The following CFH variants were observed in gnomAD, a reference collection of about 807,000 sequenced individuals.
CFH encodes complement factor H, also known as H factor 1 (complement).
In CFH, 53 loss-of-function variants were observed where a neutral mutation model predicts 147.3. The observed-to-expected ratio is 0.36, with a 90% confidence interval of 0.29 to 0.45. The LOEUF (loss-of-function observed/expected upper bound fraction) is 0.45. CFH is among the 20% of genes least tolerant of loss of function. The pLI is 1.00. For missense variants in CFH, 1,380 were observed against 1,498.0 expected, an observed-to-expected ratio of 0.92 and a Z score of 1.30; for synonymous variants, 536 against 489.4, an observed-to-expected ratio of 1.10 and a Z score of -1.26.
At chr1:196,695,414 G>A (rs1259395389) in intron 9 of CFH, among the ~76,000 whole-genome samples, 1 of 152,154 alleles carries the variant, frequency 6.6e-6, no homozygotes, top group Non-Finnish European at 1.5e-5. Context: ...CTGTAGTCTT[G>A]TAGTATAGTT....
chr1:196,726,591 G>GA lies in CFH; in HGVS notation c.1997dup (p.Pro668ThrfsTer2), dbSNP rs773257554. ...ATTATTGCAATCCTAGATTTCTAATGAAGGGACCTAATAAAATTCAATGTG... is the reference window on the plus strand; with the variant it reads ...ATTATTGCAATCCTAGATTTCTAATGAAAGGGACCTAATAAAATTCAATGTG... On this transcript the variant is annotated frameshift_variant, in exon 13 of 22. Transcript: ENST00000367429. LOFTEE classifies it high-confidence loss of function. The GA allele has an allele frequency of 6.2e-7, 1 of 1,612,568 alleles. No individual in the cohort carries two copies. Among genetic ancestry groups the GA allele is most frequent in the Non-Finnish European group, 8.5e-7 (1 of 1,178,678 alleles).
chr1:196,707,618 A>G (rs1668622645), intron 9 of CFH, among the ~76,000 whole-genome samples: 1 of 152,188 alleles, frequency 6.6e-6, no homozygotes, highest in African/African-American at 2.4e-5. Context: ...CACCACAGCC[A>G]TATAAAACCC....
chr1:196,714,063 T>C lies in CFH; in HGVS notation c.1519+146T>C, dbSNP rs1235734347. On this transcript the variant is annotated intron_variant, in intron 10 of 21. Transcript: ENST00000367429. Reference sequence around the variant, plus strand: ...GGAACAAAGCAGACATCAATTTTTTTTCCTTTTCACATTAATTACTCAGAT... The same window carrying C: ...GGAACAAAGCAGACATCAATTTTTTCTCCTTTTCACATTAATTACTCAGAT... 3 of 712,382 alleles carry C rather than the reference T, an allele frequency of 4.2e-6. No individual in the cohort carries two copies. The East Asian group carries it at 8.3e-5, about 20-fold the overall frequency. 44.1% of individuals were successfully genotyped at this position (712,382 alleles called of 1,614,324 possible).
chr1:196,730,146 T>A (rs1669248565), intron 15 of CFH, among the ~76,000 whole-genome samples: 1 of 151,876 alleles, frequency 6.6e-6, no homozygotes, highest in South Asian at 2.1e-4. Flanking sequence ...TTTGTTCATG[T>A]TTTTCTGCTT....
intron 3 of CFH, 94 bp from the exon 4 acceptor site, chr1:196,675,895 A>T: frequency 1.3e-6 from 1 of 774,160 alleles, no homozygotes; most frequent in Non-Finnish European, 2.3e-6. Context: ...CATTTTCCTT[A>T]ATATGGAGTT....
At chr1:196,687,429 G>A (rs1667866191) in intron 7 of CFH, among the ~76,000 whole-genome samples, 1 of 151,562 alleles carries the variant, frequency 6.6e-6, no homozygotes, top group African/African-American at 2.4e-5. Flanking sequence ...TCGAGCCTGT[G>A]GTAATGTTAT....
rs528250032 is a variant in CFH, at chr1:196,692,660, CT to C, written c.1336+2423del. ...CTTCCTTTCTTTGTCTACGTTTCTC[CT>C]TCTTTTTCTTTTTTCTCTTTCTTTC... is the stretch of plus-strand genomic sequence containing the variant. On this transcript the variant is annotated intron_variant, in intron 9 of 21. Coordinates refer to ENST00000367429, the MANE Select transcript of CFH (RefSeq NM_000186.4). 5.9e-4 allele frequency among the ~76,000 whole-genome samples: 66 copies of C among 111,344 alleles called. 2 individuals are homozygous for C. The South Asian group carries it at 9.9e-3, about 17-fold the overall frequency. The allele number at this position is 111,344 out of a possible 152,430, so 73.0% of individuals were successfully genotyped here. A position where few individuals can be genotyped will look rare whatever the true frequency, so the allele number is the denominator to read the frequency against.
rs1417814550 is a variant in CFH at position 196,666,827 on chromosome 1, G to C, written c.59-6151G>C. ...CTCAAAAAAAAAAAAAAAAAAAAAGGGTTGCTTAACTTCAAAAATTTTGTG... is the reference window on the plus strand; with the variant it reads ...CTCAAAAAAAAAAAAAAAAAAAAAGCGTTGCTTAACTTCAAAAATTTTGTG... On this transcript the variant is annotated intron_variant, in intron 1 of 21. Transcript: ENST00000367429. Among the ~76,000 whole-genome samples, 5 of 149,112 alleles carry C rather than the reference G, an allele frequency of 3.4e-5. No homozygotes were observed. In the East Asian group the frequency reaches 9.9e-4, roughly 29 times the overall value.
At chr1:196,675,886 A>G in intron 3 of CFH, 103 bp from the exon 4 acceptor site, 1 of 728,418 alleles carries the variant, frequency 1.4e-6, no homozygotes, top group African/African-American at 1.8e-5. Flanking sequence ...TATGCTGTTC[A>G]TTTTCCTTAA....
At chr1:196,697,093 G>A (rs1169510463) in intron 9 of CFH, among the ~76,000 whole-genome samples, 3 of 152,202 alleles carry the variant, frequency 2.0e-5, no homozygotes, top group Admixed American at 1.3e-4. Context: ...ACATAGGCAT[G>A]GGCAAGGACT....
Position 196,715,510 on chromosome 1 carries a change from G to A in CFH, c.1520-83G>A, listed in dbSNP as rs1668848482. ...TTTATTAGTAGATCTAATCAATAAA[G>A]CTTTTTCTTCTTAGAATGGGAAATA... On this transcript the variant is annotated intron_variant, in intron 10 of 21. Transcript: ENST00000367429. The A allele has an allele frequency of 5.4e-6, 6 of 1,121,106 alleles. No homozygotes were observed. The Admixed American group carries it at 1.0e-4, about 19-fold the overall frequency. 69.4% of individuals were successfully genotyped at this position (1,121,106 alleles called of 1,614,324 possible).
At chr1:196,700,346 C>CA (rs1231663878) in intron 9 of CFH, among the ~76,000 whole-genome samples, 1 of 152,096 alleles carries the variant, frequency 6.6e-6, no homozygotes, top group East Asian at 1.9e-4. Flanking sequence ...ACAAACCTTA[C>CA]AATCTTATAA....
At chr1:196,682,453 A>C (rs2149083738) in intron 6 of CFH, among the ~76,000 whole-genome samples, 1 of 151,784 alleles carries the variant, frequency 6.6e-6, no homozygotes, top group East Asian at 1.9e-4. Context: ...CTACTGCTTG[A>C]GCATAATCAC....
intron 6 of CFH, among the ~76,000 whole-genome samples, chr1:196,684,674 C>G (rs1667764509): frequency 6.6e-6 from 1 of 151,926 alleles, no homozygotes; most frequent in Non-Finnish European, 1.5e-5. Context: ...GTTGCGCAGT[C>G]CTATCAATTG....
chr1:196,679,891 T>A, intron 6 of CFH, 98 bp downstream of exon 6: 2 of 1,069,262 alleles, frequency 1.9e-6, no homozygotes, highest in South Asian at 1.5e-5. Flanking sequence ...AGTAGAGTGC[T>A]AATTTATGTA....
At position 196,730,642 on chromosome 1, in the gene CFH, CTGGA is replaced by C. The variant is rs1669260183; in HGVS notation, c.2413+2123_2413+2126del. ...TAATGTTTCCTTATTGATATTCTGT[CTGGA>C]TGATCTGTCTCAACGTTGAAAGTAA... is the stretch of plus-strand genomic sequence containing the variant. On this transcript the variant is annotated intron_variant, in intron 15 of 21. Transcript: ENST00000367429. Among the ~76,000 whole-genome samples, 5 of 151,750 alleles carry C rather than the reference CTGGA, an allele frequency of 3.3e-5. No homozygotes were observed. In the South Asian group the frequency reaches 1.0e-3, roughly 31 times the overall value.
chr1:196,692,819 TTTC>T (rs1558163847), intron 9 of CFH, among the ~76,000 whole-genome samples: 4,229 of 79,812 alleles, frequency 0.053, 444 homozygotes, highest in East Asian at 0.21. Flanking sequence ...TCTTTCTTTC[TTTC>T]TCTTTCCTTC....
At chr1:196,686,266 A>G (rs1667823708) in intron 7 of CFH, among the ~76,000 whole-genome samples, 1 of 152,132 alleles carries the variant, frequency 6.6e-6, no homozygotes, top group Admixed American at 6.6e-5. Flanking sequence ...CTTCAGCCAT[A>G]TCTATTCTTT....
At chr1:196,654,830 G>A (rs6428356) in intron 1 of CFH, among the ~76,000 whole-genome samples, 6,130 of 152,112 alleles carry the variant, frequency 0.04, 424 homozygotes, top group African/African-American at 0.14. Context: ...TTCCATTACA[G>A]TCAGAGAAAG....
Sources: allele counts gnomAD v4.1 joint callset (sites outside exome capture counted in the v4.1 genomes callset), GRCh38; gene constraint gnomAD v4.1.1; transcripts MANE v1.5; gene names NCBI Gene and HGNC (gene_info 2026-07-23, HGNC 2026-07-21).